Variants in RBFOX1 observed in about 807,000 individuals in gnomAD.
The protein encoded by RBFOX1 is RNA binding protein fox-1 homolog 1.
In RBFOX1, 8 loss-of-function variants were observed where a neutral mutation model predicts 57.7. The ratio of observed to expected loss-of-function variants is 0.14; its 90% CI spans 0.08 to 0.25. The LOEUF is 0.25. RBFOX1 is among the 10% of genes least tolerant of loss of function. The pLI is 1.00. For synonymous variants in RBFOX1, 326 were observed against 222.4 expected (o/e 1.47, Z -4.15); for missense variants, 611 against 548.5 (o/e 1.11, Z -1.14).
At chr16:5,654,772 C>A (rs2049370079) in intron 3 of RBFOX1, among the ~76,000 whole-genome samples, 1 of 151,648 alleles carries the variant, frequency 6.6e-6, no homozygotes, top group African/African-American at 2.4e-5. Context: ...CTTCCTCCTT[C>A]CTCCTTCTTC....
chr16:6,217,284 G>A (rs2097342073), intron 1 of RBFOX1, among the ~76,000 whole-genome samples: 1 of 140,772 alleles, frequency 7.1e-6, no homozygotes, highest in African/African-American at 2.6e-5. Context: ...TGCCAAAAAT[G>A]TCTGAATACT....
intron 4 of RBFOX1, among the ~76,000 whole-genome samples, chr16:7,291,928 A>T (rs2095785665): frequency 1.1e-5 from 1 of 95,064 alleles, no homozygotes; most frequent in Admixed American, 9.8e-5. Context: ...TATATAATGT[A>T]TTTTATATAT....
chr16:6,396,154 G>A (rs2092825691), intron 2 of RBFOX1, among the ~76,000 whole-genome samples: 1 of 148,974 alleles, frequency 6.7e-6, no homozygotes. Context: ...TCCTATCATA[G>A]ATAGCAATTA....
intron 2 of RBFOX1, among the ~76,000 whole-genome samples, chr16:6,353,396 C>G (rs1599977389): frequency 6.6e-6 from 1 of 151,632 alleles, no homozygotes; most frequent in East Asian, 1.9e-4. Context: ...TCCTAGATAC[C>G]TATTTTTTAA....
At chr16:7,178,624 G>A (rs763156895) in intron 4 of RBFOX1, among the ~76,000 whole-genome samples, 9 of 152,138 alleles carry the variant, frequency 5.9e-5, no homozygotes, top group Non-Finnish European at 1.0e-4. Context: ...AGTGAAATCT[G>A]AAAGGAAACT....
intron 3 of RBFOX1, among the ~76,000 whole-genome samples, chr16:6,800,084 T>C (rs370725388): frequency 3.5e-4 from 54 of 152,278 alleles, no homozygotes; most frequent in African/African-American, 1.3e-3. Flanking sequence ...CAGTAAACTG[T>C]CATGGTGCTG....
chr16:5,809,772 C>T (rs1447376099), intron 3 of RBFOX1, among the ~76,000 whole-genome samples: 2 of 152,266 alleles, frequency 1.3e-5, no homozygotes, highest in African/African-American at 4.8e-5. Context: ...TGTGGCGATT[C>T]CTCAGGGATC....
chr16:7,351,169 G>T (rs1403488052), intron 4 of RBFOX1, among the ~76,000 whole-genome samples: 3 of 152,192 alleles, frequency 2.0e-5, no homozygotes, highest in African/African-American at 7.2e-5. Flanking sequence ...TTGGGAGTTT[G>T]GATTCAGATG....
chr16:5,682,192 C>A (rs1416272967), intron 3 of RBFOX1, among the ~76,000 whole-genome samples: 1 of 152,204 alleles, frequency 6.6e-6, no homozygotes, highest in Non-Finnish European at 1.5e-5. Flanking sequence ...GGCTTTGTTA[C>A]AGTTTGCTCC....
intron 4 of RBFOX1, among the ~76,000 whole-genome samples, chr16:7,199,138 C>T (rs552842914): frequency 2.0e-5 from 3 of 152,098 alleles, no homozygotes; most frequent in African/African-American, 7.2e-5. Context: ...ATGTTAGGGA[C>T]TGTTGATGAG....
intron 4 of RBFOX1, among the ~76,000 whole-genome samples, chr16:7,198,616 C>T (rs549400616): frequency 6.6e-6 from 1 of 152,154 alleles, no homozygotes; most frequent in East Asian, 1.9e-4. Context: ...CTGCATATCA[C>T]ATGGGCTTTC....
At chr16:6,425,270 G>T (rs984184735) in intron 2 of RBFOX1, among the ~76,000 whole-genome samples, 1 of 152,198 alleles carries the variant, frequency 6.6e-6, no homozygotes, top group African/African-American at 2.4e-5. Flanking sequence ...GAAGTTTGGG[G>T]AGGGTAACAT....
intron 2 of RBFOX1, among the ~76,000 whole-genome samples, chr16:6,502,567 G>A (rs1807002963): frequency 6.6e-6 from 1 of 152,134 alleles, no homozygotes; most frequent in Admixed American, 6.6e-5. Context: ...GGAGATTTTA[G>A]TAATTATTAA....
chr16:5,975,201 G>A (rs543819764), intron 4 of RBFOX1, among the ~76,000 whole-genome samples: 30 of 152,144 alleles, frequency 2.0e-4, no homozygotes, highest in African/African-American at 6.5e-4. Context: ...CCTCTTTCTC[G>A]ATGCCGGCTT....
At chr16:6,883,905 G>C (rs1296475061) in intron 3 of RBFOX1, among the ~76,000 whole-genome samples, 1 of 151,996 alleles carries the variant, frequency 6.6e-6, no homozygotes, top group African/African-American at 2.4e-5. Flanking sequence ...ACTTAAGTTA[G>C]AGGGGAACAT....
chr16:6,963,893 T>A (rs1212419984), intron 3 of RBFOX1, among the ~76,000 whole-genome samples: 1 of 152,088 alleles, frequency 6.6e-6, no homozygotes, highest in African/African-American at 2.4e-5. Flanking sequence ...AGAGATGGGA[T>A]TTCACTGTGT....
intron 5 of RBFOX1, among the ~76,000 whole-genome samples, chr16:7,543,670 TGTGTGTGTGTGTG>T: frequency 5.3e-4 from 1 of 1,882 alleles, no homozygotes; most frequent in African/African-American, 4.6e-3. Context: ...GCAGTATCTG[TGTGTGTGTGTGTG>T]TGTGTGTGTG....
At chr16:7,393,670 C>T (rs2098086104) in intron 4 of RBFOX1, among the ~76,000 whole-genome samples, 1 of 152,106 alleles carries the variant, frequency 6.6e-6, no homozygotes, top group Non-Finnish European at 1.5e-5. Context: ...CTGGATTATT[C>T]ATTGTGCCAA....
rs577221108 is a variant in RBFOX1 at position 6,849,521 on chromosome 16, T to G, written c.-16+194871T>G. 2.2e-4 allele frequency among the ~76,000 whole-genome samples: 33 copies of G among 152,090 alleles called. No homozygotes were observed. In the South Asian group the frequency reaches 6.7e-3, roughly 31 times the overall value. On this transcript the variant is annotated intron_variant, in intron 3 of 15. Coordinates refer to ENST00000550418, the MANE Select transcript of RBFOX1 (RefSeq NM_018723.4). Reference sequence around the variant, plus strand: ...TATCTCTACTAAACAATACAAAAATTAGCTGGGTATGGTGGTGCATGCCTG... The same window carrying G: ...TATCTCTACTAAACAATACAAAAATGAGCTGGGTATGGTGGTGCATGCCTG...
Sources: allele counts gnomAD v4.1 joint callset (sites outside exome capture counted in the v4.1 genomes callset), GRCh38; gene constraint gnomAD v4.1.1; transcripts MANE v1.5; gene names NCBI Gene and HGNC (gene_info 2026-07-23, HGNC 2026-07-21).